The following EPB41L2 variants were observed in gnomAD, a reference collection of about 807,000 sequenced individuals.
The protein encoded by EPB41L2 is band 4.1-like protein 2.
Under a neutral mutation model 113.0 loss-of-function variants are expected in EPB41L2, and 43 were observed. That is an observed-to-expected ratio of 0.38 (90% CI 0.30 to 0.49). EPB41L2 has a LOEUF of 0.49. Among genes scored for constraint, EPB41L2 ranks in the 20% least tolerant of loss-of-function variants. The pLI is 0.95. For missense variants in EPB41L2, 1,147 were observed against 1,223.4 expected (o/e 0.94, Z 0.93); for synonymous variants, 442 against 436.7 (o/e 1.01, Z -0.15).
intron 4 of EPB41L2, among the ~76,000 whole-genome samples, chr6:130,912,117 G>C (rs1017366289): frequency 6.6e-6 from 1 of 152,066 alleles, no homozygotes; most frequent in African/African-American, 2.4e-5. Context: ...TCTGACTAAC[G>C]CTTGATGATC....
chr6:131,033,683 A>T (rs1792699058), intron 1 of EPB41L2, among the ~76,000 whole-genome samples: 1 of 152,258 alleles, frequency 6.6e-6, no homozygotes, highest in Non-Finnish European at 1.5e-5. Flanking sequence ...AAGCCAGATA[A>T]AGAAAGACAA....
chr6:130,911,202 A>C (rs1471965260), intron 4 of EPB41L2, among the ~76,000 whole-genome samples: 1 of 152,232 alleles, frequency 6.6e-6, no homozygotes. Flanking sequence ...GCCATAAAAA[A>C]GGATGAGTTC....
At chr6:131,000,925 C>A (rs9402309) in intron 1 of EPB41L2, among the ~76,000 whole-genome samples, 2 of 152,222 alleles carry the variant, frequency 1.3e-5, no homozygotes, top group East Asian at 1.9e-4. Context: ...TATTTCACTT[C>A]TTTTTTTCCA....
At chr6:130,932,164 AATAAGAAAAATAAGGTT>A (rs1807114433) in intron 3 of EPB41L2, among the ~76,000 whole-genome samples, 1 of 152,152 alleles carries the variant, frequency 6.6e-6, no homozygotes, top group Non-Finnish European at 1.5e-5. Flanking sequence ...TTATTTCACA[AATAAGAAAAATAAGGTT>A]ATAGAAAGTT....
intron 18 of EPB41L2, among the ~76,000 whole-genome samples, chr6:130,859,009 G>A (rs1781163501): frequency 6.6e-6 from 1 of 152,238 alleles, no homozygotes; most frequent in Admixed American, 6.5e-5. Context: ...GGAGGACCCA[G>A]AGGGCTGACT....
chr6:131,012,397 T>C (rs1787239879), intron 1 of EPB41L2, among the ~76,000 whole-genome samples: 1 of 147,622 alleles, frequency 6.8e-6, no homozygotes, highest in Non-Finnish European at 1.5e-5. Context: ...TTTAGCAGCA[T>C]GGCGGGCTAC....
chr6:131,037,177 G>A (rs1173983494), intron 1 of EPB41L2, among the ~76,000 whole-genome samples: 3 of 152,072 alleles, frequency 2.0e-5, no homozygotes, highest in East Asian at 1.9e-4. Context: ...TTCATTTACC[G>A]GTTTTCATCA....
chr6:130,928,399 T>G (rs1438163008), intron 3 of EPB41L2, among the ~76,000 whole-genome samples: 1 of 152,216 alleles, frequency 6.6e-6, no homozygotes, highest in Non-Finnish European at 1.5e-5. Context: ...GGATAACAGA[T>G]AGCAGATACC....
At chr6:131,015,240 G>A (rs1169125466) in intron 1 of EPB41L2, 1 of 152,224 alleles carries the variant, frequency 6.6e-6, no homozygotes, top group Non-Finnish European at 1.5e-5. Context: ...GAAAGCATCT[G>A]TGGAAAGAGC....
chr6:131,033,889 TAC>T (rs1792753420), intron 1 of EPB41L2, among the ~76,000 whole-genome samples: 1 of 152,254 alleles, frequency 6.6e-6, no homozygotes, highest in South Asian at 2.1e-4. Context: ...ATTGTGAACA[TAC>T]TTCATGCTTC....
intron 4 of EPB41L2, among the ~76,000 whole-genome samples, chr6:130,910,959 C>T (rs917844090): frequency 9.9e-5 from 15 of 152,276 alleles, no homozygotes; most frequent in South Asian, 2.1e-4. Flanking sequence ...TTGTGGAAGA[C>T]GGTGTGGTGA....
chr6:130,867,641 T>C (rs1208033007), intron 15 of EPB41L2, 60 bp from the exon 16 acceptor site: 1 of 1,587,342 alleles, frequency 6.3e-7, no homozygotes, highest in South Asian at 1.1e-5. Flanking sequence ...AAGTGTTTAA[T>C]GGAACCTTCA....
intron 19 of EPB41L2, among the ~76,000 whole-genome samples, chr6:130,842,497 C>A (rs987334085): frequency 6.6e-6 from 1 of 152,030 alleles, no homozygotes; most frequent in South Asian, 2.1e-4. Context: ...AAATATGCAT[C>A]ATTTGTTGAA....
At chr6:130,945,191 TTAAC>T (rs1290768243) in intron 3 of EPB41L2, among the ~76,000 whole-genome samples, 1 of 152,202 alleles carries the variant, frequency 6.6e-6, no homozygotes, top group African/African-American at 2.4e-5. Context: ...TTGAAACTGT[TTAAC>T]TAGTAAACTT....
intron 1 of EPB41L2, among the ~76,000 whole-genome samples, chr6:130,957,879 G>A (rs920631328): frequency 1.3e-5 from 2 of 152,116 alleles, no homozygotes; most frequent in Non-Finnish European, 2.9e-5. Context: ...TGCATTCCCC[G>A]TCGCCCCCTG....
intron 1 of EPB41L2, among the ~76,000 whole-genome samples, chr6:131,038,563 A>G (rs1793807623): frequency 6.6e-6 from 1 of 152,218 alleles, no homozygotes; most frequent in Non-Finnish European, 1.5e-5. Context: ...GTTATTTCAC[A>G]AATCAACCAT....
intron 14 of EPB41L2, chr6:130,876,791 A>T (rs1485484581): frequency 7.8e-7 from 1 of 1,289,460 alleles, no homozygotes; most frequent in Admixed American, 2.3e-5. Flanking sequence ...GTTTTAAACA[A>T]TAGACATAAT....
At chr6:130,844,237 A>G (rs1776326505) in intron 19 of EPB41L2, among the ~76,000 whole-genome samples, 1 of 152,226 alleles carries the variant, frequency 6.6e-6, no homozygotes. Flanking sequence ...CAGAGCAATA[A>G]CATAATCAAA....
chr6:131,051,465 A>AAAAAAC (rs770424797), intron 1 of EPB41L2, among the ~76,000 whole-genome samples: 139 of 143,608 alleles, frequency 9.7e-4, no homozygotes, highest in African/African-American at 2.3e-3. Context: ...AAAAAAAAAA[A>AAAAAAC]ACACACACAC....
Sources: gnomAD v4.1 joint callset for allele counts (sites outside exome capture counted in the v4.1 genomes callset) on GRCh38, gnomAD v4.1.1 for gene constraint, MANE v1.5 for transcripts, NCBI Gene and HGNC (gene_info 2026-07-23, HGNC 2026-07-21) for gene names.